CMC4: variants seen among roughly 807,000 people sequenced by gnomAD.
CMC4 encodes cx9C motif-containing protein 4.
In CMC4, 4 loss-of-function variants were observed where a neutral mutation model predicts 5.1. The observed-to-expected ratio is 0.78, with a 90% CI of 0.38 to 1.78. The LOEUF is 1.78. Ranked by LOEUF, CMC4 falls within the 40% of genes most tolerant of loss-of-function variation. The pLI is 0.04. For missense variants in CMC4, 52 were observed against 51.3 expected (o/e 1.01, Z -0.04); for synonymous variants, 23 against 18.9 (o/e 1.22, Z -0.57).
rs1229661017 is a variant in CMC4, at chrX:155,066,911, G to A, written c.-10-2878C>T. Among the ~76,000 whole-genome samples the A allele has an allele frequency of 1.4e-4, 16 of 112,033 alleles. No homozygotes were observed. In the Admixed American group the frequency reaches 1.5e-3, roughly 11 times the overall value. ...GCATACCTCCCAAAGCATTTGAGTG[G>A]TAGGGCAAACTCTATAACGATCCTC... On this transcript the variant is annotated intron_variant, in intron 1 of 2. Coordinates refer to ENST00000369484, the MANE Select transcript of CMC4 (RefSeq NM_001018024.3).
rs1468375668 is a variant in CMC4 at position 155,061,694 on chromosome X, A to G, written c.*149T>C. On this transcript the variant is annotated 3_prime_UTR_variant, in exon 3 of 3. Coordinates refer to ENST00000369484, the MANE Select transcript of CMC4 (RefSeq NM_001018024.3). ...TACATATTTGTCTTTTAATGTGTTTATATTTCTGCCTGTTCTGCATAGATG... is the reference window on the plus strand; with the variant it reads ...TACATATTTGTCTTTTAATGTGTTTGTATTTCTGCCTGTTCTGCATAGATG... 8.7e-6 allele frequency: 5 copies of G among 577,878 alleles called. No individual in the cohort carries two copies. Among genetic ancestry groups the G allele is most frequent in the Middle Eastern group, 5.4e-4 (1 of 1,852 alleles). The allele number at this position is 577,878 out of a possible 1,213,427, so 47.6% of individuals were successfully genotyped here.
chrX:155,062,145 G>C (rs1189958023), intron 2 of CMC4, among the ~76,000 whole-genome samples, 154 bp from the exon 3 acceptor site: 1 of 112,295 alleles, frequency 8.9e-6, no homozygotes. Flanking sequence ...TTCTAATTTA[G>C]AGACCTGTCG....
In CMC4 at chrX:155,066,632, G is replaced by A. The variant is rs139046516; in HGVS notation, c.-10-2599C>T. ...AAGAAAGTTTACAAATAGCGGATGG[G>A]CATTTCTAGAAGGGGATTTTCTTGT... On this transcript the variant is annotated intron_variant, in intron 1 of 2. Coordinates refer to ENST00000369484, the MANE Select transcript of CMC4 (RefSeq NM_001018024.3). 3.7e-3 allele frequency among the ~76,000 whole-genome samples: 421 copies of A among 112,326 alleles called. 2 individuals are homozygous for A. The highest frequency in any genetic ancestry group is 0.013 in the African/African-American group (389 of 30,909).
At position 155,061,941 on chromosome X, in the gene CMC4, T is replaced by TAA. The variant is rs782808763; in HGVS notation, c.108_109insTT (p.Lys37LeufsTer26). The TAA allele has an allele frequency of 4.1e-6, 5 of 1,209,539 alleles. No homozygotes were observed. The African/African-American group carries it at 7.0e-5, about 17-fold the overall frequency. ...CCCTTGGGATACTGAGCACAACACTTACGCAGTTCTTGGATGACAGCCTGA... is the reference window on the plus strand; with the variant it reads ...CCCTTGGGATACTGAGCACAACACTTAAACGCAGTTCTTGGATGACAGCCTGA... On this transcript the variant is annotated frameshift_variant, in exon 3 of 3. Transcript: ENST00000369484. LOFTEE classifies it high-confidence loss of function.
At chrX:155,064,123 A>AT (rs2073939624) in intron 1 of CMC4, 90 bp from the exon 2 acceptor site, 5 of 567,402 alleles carry the variant, frequency 8.8e-6, no homozygotes, top group Non-Finnish European at 1.4e-5. Flanking sequence ...GACAAGCAGT[A>AT]TATGCCCTTA....
In CMC4 at chrX:155,071,012, G is replaced by C. The variant is rs2073972172; in HGVS notation, c.-329C>G. Reference sequence around the variant, plus strand: ...TCAAGAGGCCGGCGTTCGCGGAGATGTCGTCTTAAAGGGCTGTCCCCCAAG... The same window carrying C: ...TCAAGAGGCCGGCGTTCGCGGAGATCTCGTCTTAAAGGGCTGTCCCCCAAG... On this transcript the variant is annotated 5_prime_UTR_variant, in exon 1 of 3. Coordinates refer to ENST00000369484, the MANE Select transcript of CMC4 (RefSeq NM_001018024.3). The C allele has an allele frequency of 5.3e-5, 6 of 112,910 alleles. No homozygotes were observed. The South Asian group carries it at 1.8e-3, about 33-fold the overall frequency. The allele number at this position is 112,910 out of a possible 1,213,427, so 9.3% of individuals were successfully genotyped here. A position where few individuals can be genotyped will look rare whatever the true frequency, so the allele number is the denominator to read the frequency against.
chrX:155,062,093 G>A, intron 2 of CMC4, 102 bp from the exon 3 acceptor site: 1 of 807,090 alleles, frequency 1.2e-6, no homozygotes, highest in East Asian at 3.6e-5. Flanking sequence ...CAGTACCTAT[G>A]GAACTGGAAG....
chrX:155,063,667 A>AAAC (rs1405712453), intron 2 of CMC4, among the ~76,000 whole-genome samples: 1 of 111,919 alleles, frequency 8.9e-6, no homozygotes, highest in Non-Finnish European at 1.9e-5. Context: ...TAGTAAAAAC[A>AAAC]AACAACAACA....
At chrX:155,064,085 A>G in intron 1 of CMC4, 52 bp from the exon 2 acceptor site, 1 of 1,018,821 alleles carries the variant, frequency 9.8e-7, no homozygotes, top group Non-Finnish European at 1.3e-6. Flanking sequence ...AAGACTTTAA[A>G]GCCCCTCTAC....
intron 2 of CMC4, among the ~76,000 whole-genome samples, chrX:155,063,630 T>C (rs1557291780): frequency 8.9e-6 from 1 of 111,954 alleles, no homozygotes; most frequent in East Asian, 2.8e-4. Context: ...CAGTGAAGTA[T>C]AACCAACCAA....
intron 1 of CMC4, among the ~76,000 whole-genome samples, chrX:155,068,255 T>G (rs782514324): frequency 4.5e-5 from 5 of 112,128 alleles, no homozygotes; most frequent in African/African-American, 1.6e-4. Flanking sequence ...ATAATGCCAG[T>G]GGAATAGAGG....
chrX:155,063,331 T>C (rs1203289621), intron 2 of CMC4, among the ~76,000 whole-genome samples: 1 of 112,401 alleles, frequency 8.9e-6, no homozygotes, highest in Non-Finnish European at 1.9e-5. Flanking sequence ...CTCCATCTAT[T>C]ACTTTACTAG....
At chrX:155,063,918 T>A in intron 2 of CMC4, 48 bp downstream of exon 2, 1 of 997,549 alleles carries the variant, frequency 1.0e-6, no homozygotes, top group Non-Finnish European at 1.4e-6. Flanking sequence ...TCTCTTATAG[T>A]TAGTTCACAG....
At chrX:155,062,118 A>G (rs1557291674) in intron 2 of CMC4, 127 bp from the exon 3 acceptor site, 2 of 629,100 alleles carry the variant, frequency 3.2e-6, no homozygotes, top group East Asian at 3.8e-5. Flanking sequence ...AAGATATACC[A>G]AAGTCCACTG....
At chrX:155,066,166 T>C in intron 1 of CMC4, 1 of 437,488 alleles carries the variant, frequency 2.3e-6, no homozygotes, top group Non-Finnish European at 4.0e-6. Context: ...CCAAACCTCA[T>C]ATGTCTATTT....
At chrX:155,064,320 C>T (rs1261645996) in intron 1 of CMC4, 2 of 179,274 alleles carry the variant, frequency 1.1e-5, no homozygotes, top group Non-Finnish European at 1.0e-5. Flanking sequence ...GAGCCGACGG[C>T]GCAGCCTGGC....
intron 2 of CMC4, among the ~76,000 whole-genome samples, chrX:155,063,732 G>A (rs1557291788): frequency 9.0e-6 from 1 of 111,560 alleles, no homozygotes; most frequent in African/African-American, 3.3e-5. Flanking sequence ...ATTGTTCTAG[G>A]TAAGTGTTTA....
chrX:155,064,034 C>T lies in CMC4; in HGVS notation c.-10-1G>A. The stretch of plus-strand genomic sequence containing the variant: ...ATCCTTCTGCGGCATATCCAGAAAA[C>T]TAAAACAAGAAAAATGATTTTTATT... On this transcript the variant is annotated splice_acceptor_variant, in intron 1 of 2. Transcript: ENST00000369484. LOFTEE classifies it low-confidence loss of function (5UTR_SPLICE). 1.7e-6 allele frequency: 2 copies of T among 1,178,664 alleles called. No homozygotes were observed. Among genetic ancestry groups the T allele is most frequent in the Non-Finnish European group, 2.3e-6 (2 of 883,056 alleles).
chrX:155,062,645 T>A (rs782544272), intron 2 of CMC4, among the ~76,000 whole-genome samples: 2 of 111,175 alleles, frequency 1.8e-5, no homozygotes, highest in South Asian at 3.8e-4. Flanking sequence ...AGTTAATGAG[T>A]CCCCCAGTAC....
Sources: gnomAD v4.1 joint callset for allele counts (sites outside exome capture counted in the v4.1 genomes callset) on GRCh38, gnomAD v4.1.1 for gene constraint, MANE v1.5 for transcripts, NCBI Gene and HGNC (gene_info 2026-07-23, HGNC 2026-07-21) for gene names.